NALCN: variants seen among roughly 807,000 people sequenced by gnomAD.
NALCN encodes sodium leak channel NALCN.
In NALCN, 111 loss-of-function variants were observed where a neutral mutation model predicts 225.3. The observed-to-expected ratio is 0.49, with a 90% CI of 0.42 to 0.58. The LOEUF (loss-of-function observed/expected upper bound fraction) is 0.58. Ranked by LOEUF, NALCN falls within the 20% of genes least tolerant of loss-of-function variation. The pLI is 0.00. For synonymous variants in NALCN, 764 were observed against 769.0 expected, an observed-to-expected ratio of 0.99 and a Z score of 0.11; for missense variants, 1,378 against 2,202.4, an observed-to-expected ratio of 0.63 and a Z score of 7.49.
At chr13:101,260,843 G>A (rs1041926534) in intron 10 of NALCN, among the ~76,000 whole-genome samples, 2 of 151,996 alleles carry the variant, frequency 1.3e-5, no homozygotes, top group African/African-American at 4.8e-5. Context: ...TTTGTTAATT[G>A]TATCTTTTGC....
chr13:101,175,077 CTCATTTGAA>C (rs1255397138), intron 15 of NALCN, among the ~76,000 whole-genome samples: 1 of 152,198 alleles, frequency 6.6e-6, no homozygotes, highest in Non-Finnish European at 1.5e-5. Context: ...TGTCCCAACT[CTCATTTGAA>C]GAATCTATCA....
At chr13:101,321,633 A>G (rs561853216) in intron 7 of NALCN, among the ~76,000 whole-genome samples, 2 of 152,248 alleles carry the variant, frequency 1.3e-5, no homozygotes, top group African/African-American at 4.8e-5. Flanking sequence ...ATTAGTAATC[A>G]CACACACACA....
chr13:101,258,983 G>T (rs1291353043), intron 10 of NALCN, among the ~76,000 whole-genome samples: 2 of 152,144 alleles, frequency 1.3e-5, no homozygotes, highest in Non-Finnish European at 2.9e-5. Flanking sequence ...AAATATTTTA[G>T]AGATGATTAT....
At chr13:101,165,151 A>G (rs1008012048) in intron 15 of NALCN, among the ~76,000 whole-genome samples, 2 of 152,188 alleles carry the variant, frequency 1.3e-5, no homozygotes, top group Admixed American at 6.6e-5. Flanking sequence ...TGCATACCAC[A>G]ATGGCAAAAG....
At chr13:101,327,067 A>T (rs2044980423) in intron 7 of NALCN, among the ~76,000 whole-genome samples, 2 of 152,098 alleles carry the variant, frequency 1.3e-5, no homozygotes, top group Non-Finnish European at 2.9e-5. Context: ...CATCAGATTT[A>T]AGGGGAGGAA....
At chr13:101,078,434 C>A (rs2033402166) in intron 34 of NALCN, among the ~76,000 whole-genome samples, 1 of 152,184 alleles carries the variant, frequency 6.6e-6, no homozygotes, top group South Asian at 2.1e-4. Context: ...CCATGGGAGC[C>A]CACCTCTTGC....
intron 7 of NALCN, among the ~76,000 whole-genome samples, chr13:101,311,421 G>A (rs1460370351): frequency 2.0e-5 from 3 of 148,648 alleles, no homozygotes; most frequent in Non-Finnish European, 4.5e-5. Flanking sequence ...GTGAGAGAGG[G>A]CATCCCTGTC....
At chr13:101,335,167 C>G (rs2045337159) in intron 7 of NALCN, among the ~76,000 whole-genome samples, 2 of 152,130 alleles carry the variant, frequency 1.3e-5, no homozygotes, top group East Asian at 1.9e-4. Flanking sequence ...TAGTCACTAT[C>G]TTTTCTCATC....
At chr13:101,240,300 G>GT (rs1444132491) in intron 11 of NALCN, among the ~76,000 whole-genome samples, 1 of 151,494 alleles carries the variant, frequency 6.6e-6, no homozygotes, top group Admixed American at 6.6e-5. Flanking sequence ...TCTTTAATAA[G>GT]TTTTTTCCAT....
At chr13:101,340,387 G>A (rs967426001) in intron 7 of NALCN, among the ~76,000 whole-genome samples, 7 of 152,190 alleles carry the variant, frequency 4.6e-5, no homozygotes, top group Non-Finnish European at 1.0e-4. Context: ...CAGATGCAGT[G>A]TGTGAGTGTG....
At chr13:101,274,646 G>A (rs886667604) in intron 10 of NALCN, among the ~76,000 whole-genome samples, 2 of 151,980 alleles carry the variant, frequency 1.3e-5, no homozygotes, top group African/African-American at 4.8e-5. Context: ...CAAGGAAATC[G>A]ACTTAATATT....
At chr13:101,411,599 C>T (rs945659283) in intron 1 of NALCN, among the ~76,000 whole-genome samples, 2 of 152,124 alleles carry the variant, frequency 1.3e-5, no homozygotes, top group East Asian at 1.9e-4. Flanking sequence ...CCACCCATCT[C>T]GGCCTCCCAA....
chr13:101,074,720 C>G lies in NALCN; in HGVS notation c.3955-58G>C, dbSNP rs201978012. ...AGAGAGAGAGAGAGAGAGACAGAGA[C>G]AGAGAGAGAGAGAGAGAGAGAGAAT... On this transcript the variant is annotated intron_variant, in intron 35 of 43. Transcript: ENST00000251127. 68 of 1,343,602 alleles carry G rather than the reference C, an allele frequency of 5.1e-5. No homozygotes were observed. Among genetic ancestry groups the G allele is most frequent in the Middle Eastern group, 4.1e-4 (2 of 4,930 alleles). The allele number at this position is 1,343,602 out of a possible 1,614,324, so 83.2% of individuals were successfully genotyped here.
At chr13:101,064,487 C>T (rs74521007) in intron 40 of NALCN, among the ~76,000 whole-genome samples, 4,215 of 151,912 alleles carry the variant, frequency 0.028, 129 homozygotes, top group East Asian at 0.087. Flanking sequence ...AAAATGAGAT[C>T]ACAGTGGAGT....
At chr13:101,141,036 A>T (rs151266548) in intron 17 of NALCN, among the ~76,000 whole-genome samples, 1 of 152,346 alleles carries the variant, frequency 6.6e-6, no homozygotes, top group African/African-American at 2.4e-5. Flanking sequence ...CCATATCATA[A>T]TTTTTCACGA....
intron 2 of NALCN, among the ~76,000 whole-genome samples, chr13:101,396,365 T>C (rs897739765): frequency 6.6e-6 from 1 of 152,126 alleles, no homozygotes; most frequent in Admixed American, 6.6e-5. Flanking sequence ...CAAATACGTT[T>C]TTATTGACTA....
chr13:101,298,587 G>T (rs1329167585), intron 7 of NALCN, among the ~76,000 whole-genome samples: 1 of 152,174 alleles, frequency 6.6e-6, no homozygotes, highest in Non-Finnish European at 1.5e-5. Context: ...CTCCCAAAGT[G>T]CTAGAACTGC....
chr13:101,058,637 T>C lies in NALCN; in HGVS notation c.4906-581A>G, dbSNP rs185351765. 1.1e-4 allele frequency: 16 copies of C among 151,156 alleles called. No homozygotes were observed. In the East Asian group the frequency reaches 1.2e-3, roughly 11 times the overall value. 9.4% of individuals were successfully genotyped at this position (151,156 alleles called of 1,614,324 possible). On this transcript the variant is annotated intron_variant, in intron 42 of 43. Coordinates refer to ENST00000251127, the MANE Select transcript of NALCN (RefSeq NM_052867.4). ...CTCCCTTTCCTAACAAAAGCCTTGGTCTTCACATCTCTTTAGTATCCTTTT... is the reference window on the plus strand; with the variant it reads ...CTCCCTTTCCTAACAAAAGCCTTGGCCTTCACATCTCTTTAGTATCCTTTT...
At chr13:101,359,943 C>T (rs1447834563) in intron 6 of NALCN, among the ~76,000 whole-genome samples, 1 of 152,052 alleles carries the variant, frequency 6.6e-6, no homozygotes, top group Non-Finnish European at 1.5e-5. Context: ...CCTTTTAAGT[C>T]AATATTTCTT....
Sources: gnomAD v4.1 joint callset for allele counts (sites outside exome capture counted in the v4.1 genomes callset) on GRCh38, gnomAD v4.1.1 for gene constraint, MANE v1.5 for transcripts, NCBI Gene and HGNC (gene_info 2026-07-23, HGNC 2026-07-21) for gene names.